Variants in NARF observed in about 807,000 individuals in gnomAD.
NARF encodes the protein nuclear prelamin A recognition factor, also known as iron-only hydrogenase-like protein 2.
NARF carries 41 observed loss-of-function variants against 48.0 expected under a neutral mutation model. That is an observed-to-expected ratio of 0.85 (90% CI 0.66 to 1.11). The LOEUF (loss-of-function observed/expected upper bound fraction) is 1.11. Among genes scored for constraint, NARF ranks in the 50% least tolerant of loss-of-function variants. The probability of loss-of-function intolerance (pLI) is 0.00; values close to 1 mark genes in which losing one functional copy is unlikely to be tolerated. For synonymous variants in NARF, 215 were observed against 225.5 expected (o/e 0.95, Z 0.42); for missense variants, 613 against 590.2 (o/e 1.04, Z -0.40).
At chr17:82,463,272 T>G (rs1359158229) in intron 2 of NARF, 1 of 152,166 alleles carries the variant, frequency 6.6e-6, no homozygotes, top group Non-Finnish European at 1.5e-5. Context: ...CATCCACCAG[T>G]TATTTATTGA....
intron 7 of NARF, chr17:82,482,879 G>A (rs1233522462): frequency 6.6e-6 from 1 of 151,718 alleles, no homozygotes; most frequent in East Asian, 2.0e-4. Flanking sequence ...TACAACCTCC[G>A]CGCCTCCTAG....
rs181546817 is a variant in NARF at position 82,466,695 on chromosome 17, T to C, written c.253-2069T>C. Reference sequence around the variant, plus strand: ...CTCGAACTCCTGACCTCAAGTGATGTGCTCGCCTCGGCCTCCCAAAGTGCT... The same window carrying C: ...CTCGAACTCCTGACCTCAAGTGATGCGCTCGCCTCGGCCTCCCAAAGTGCT... On this transcript the variant is annotated intron_variant, in intron 3 of 10. Transcript: ENST00000309794. 5.8e-3 allele frequency among the ~76,000 whole-genome samples: 877 copies of C among 151,906 alleles called. 13 individuals are homozygous for C. Among genetic ancestry groups the C allele is most frequent in the African/African-American group, 0.021 (851 of 41,404 alleles).
chr17:82,476,024 T>C (rs903641448), intron 5 of NARF, among the ~76,000 whole-genome samples: 1 of 152,200 alleles, frequency 6.6e-6, no homozygotes, highest in Non-Finnish European at 1.5e-5. Flanking sequence ...TATTTATTTA[T>C]TGAGACAGAG....
At chr17:82,483,890 C>G in intron 8 of NARF, 111 bp downstream of exon 8, 1 of 946,424 alleles carries the variant, frequency 1.1e-6, no homozygotes, top group Non-Finnish European at 1.6e-6. Context: ...CCATGTGAAG[C>G]ACTGCGATGC....
chr17:82,485,445 A>T, intron 9 of NARF, 52 bp from the exon 10 acceptor site: 1 of 1,580,374 alleles, frequency 6.3e-7, no homozygotes, highest in South Asian at 1.1e-5. Context: ...AGTGTTCTTA[A>T]GTCACAGATA....
chr17:82,459,743 C>T (rs1188026981), intron 1 of NARF, among the ~76,000 whole-genome samples: 3 of 152,074 alleles, frequency 2.0e-5, no homozygotes, highest in African/African-American at 7.2e-5. Flanking sequence ...GTGGCGCACA[C>T]CTGTAATCCC....
intron 2 of NARF, among the ~76,000 whole-genome samples, chr17:82,461,872 T>G (rs1464638952): frequency 2.0e-5 from 3 of 152,208 alleles, no homozygotes; most frequent in Non-Finnish European, 4.4e-5. Flanking sequence ...GCCAGTGCTG[T>G]GGGGACTGTG....
intron 3 of NARF, 76 bp from the exon 4 acceptor site, chr17:82,468,688 A>T: frequency 6.9e-7 from 1 of 1,440,692 alleles, no homozygotes; most frequent in Non-Finnish European, 9.6e-7. Context: ...GTTGTTCTGA[A>T]TTTCTCATTA....
chr17:82,483,054 A>T (rs80330644), intron 7 of NARF: 1 of 152,310 alleles, frequency 6.6e-6, no homozygotes, highest in Non-Finnish European at 1.5e-5. Context: ...GCAGTGGCTG[A>T]CACGTGTAAT....
At chr17:82,482,327 G>T (rs192111077) in intron 7 of NARF, 21 of 322,124 alleles carry the variant, frequency 6.5e-5, no homozygotes, top group African/African-American at 5.6e-4. Context: ...TGTGGCAGGG[G>T]TGTTGAAGGA....
rs141971876 is a variant in NARF at position 82,465,523 on chromosome 17, G to A, written c.252+1093G>A. Among the ~76,000 whole-genome samples the A allele has an allele frequency of 4.0e-3, 613 of 152,224 alleles. 6 individuals carry two copies. Among genetic ancestry groups the A allele is most frequent in the Middle Eastern group, 0.017 (5 of 294 alleles). On this transcript the variant is annotated intron_variant, in intron 3 of 10. Coordinates refer to ENST00000309794, the MANE Select transcript of NARF (RefSeq NM_012336.4). Reference sequence around the variant, plus strand: ...GGGACAGCCAAGGAGCCTTCTCAGCGTTTGCCATTCACCCCCATGGCTTCT... The same window carrying A: ...GGGACAGCCAAGGAGCCTTCTCAGCATTTGCCATTCACCCCCATGGCTTCT...
rs538324760 is a variant in NARF at position 82,464,302 on chromosome 17, A to G, written c.124A>G (p.Lys42Glu). Residue 42 changes from lysine to glutamate, a missense_variant, in exon 3 of 11, where the codon AAG becomes GAG. Physicochemically the swap from Lys to Glu is moderately conservative, Grantham distance 56. Coordinates refer to ENST00000309794, the MANE Select transcript of NARF (RefSeq NM_012336.4). ...TCTTTCATAGAAGGGAGAATTCCAC[A>G]AGTTGGCTGATGCCAAGATATTTTT... is the stretch of plus-strand genomic sequence containing the variant. ...QENGEKGEFH[K>E]LADAKIFLSD... The G allele has an allele frequency of 2.5e-6, 4 of 1,613,494 alleles. No homozygotes were observed. The East Asian group carries it at 8.9e-5, about 36-fold the overall frequency.
chr17:82,477,851 G>A (rs2043870011), intron 5 of NARF: 1 of 152,264 alleles, frequency 6.6e-6, no homozygotes, highest in Non-Finnish European at 1.5e-5. Flanking sequence ...CTGTGTCTCT[G>A]TGGGTGTTTC....
rs904112314 is a variant in NARF at position 82,480,824 on chromosome 17, C to T, written c.640-258C>T. 21 of 516,500 alleles carry T rather than the reference C, an allele frequency of 4.1e-5. No individual in the cohort carries two copies. In the South Asian group the frequency reaches 4.1e-4, roughly 10 times the overall value. The allele number at this position is 516,500 out of a possible 1,614,324, so 32.0% of individuals were successfully genotyped here. A position where few individuals can be genotyped will look rare whatever the true frequency, so the allele number is the denominator to read the frequency against. On this transcript the variant is annotated intron_variant, in intron 6 of 10. Transcript: ENST00000309794. ...GCATGCGCCTGTAGTCCCAGCTACT[C>T]GGGAGGCTGAGGCAGGAGAATCGCT...
chr17:82,468,101 G>A (rs548062981), intron 3 of NARF, among the ~76,000 whole-genome samples: 1 of 152,092 alleles, frequency 6.6e-6, no homozygotes, highest in East Asian at 1.9e-4. Context: ...CACAAGGTCA[G>A]GAGTTTGAGA....
intron 10 of NARF, 122 bp from the exon 11 acceptor site, chr17:82,487,791 TCTC>T: frequency 7.2e-5 from 24 of 331,426 alleles, no homozygotes; most frequent in Non-Finnish European, 1.3e-4. Flanking sequence ...TCCCGCCCAA[TCTC>T]TACAAAAAAT....
intron 4 of NARF, among the ~76,000 whole-genome samples, chr17:82,471,890 C>A (rs1259098480): frequency 1.3e-5 from 2 of 151,400 alleles, no homozygotes; most frequent in African/African-American, 4.9e-5. Context: ...ATTTAATTTG[C>A]CTGTGAATTG....
chr17:82,472,062 G>A (rs1371869516), intron 4 of NARF, among the ~76,000 whole-genome samples: 1 of 152,172 alleles, frequency 6.6e-6, no homozygotes, highest in Non-Finnish European at 1.5e-5. Context: ...AAAGCACACG[G>A]TCTTGAACTT....
Position 82,488,354 on chromosome 17 carries a change from A to T in NARF, c.*197A>T. 1 of 767,812 alleles carries T rather than the reference A, an allele frequency of 1.3e-6. No individual in the cohort carries two copies. The highest frequency in any genetic ancestry group is 2.0e-6 in the Non-Finnish European group (1 of 509,848). The allele number at this position is 767,812 out of a possible 1,614,324, so 47.6% of individuals were successfully genotyped here. A position where few individuals can be genotyped will look rare whatever the true frequency, so the allele number is the denominator to read the frequency against. On this transcript the variant is annotated 3_prime_UTR_variant, in exon 11 of 11. Transcript: ENST00000309794. Reference sequence around the variant, plus strand: ...TTTCATGTGGTGCTATCTTCATAATAGGTGTGGGATTGGAACTTTTTTTTT... The same window carrying T: ...TTTCATGTGGTGCTATCTTCATAATTGGTGTGGGATTGGAACTTTTTTTTT...
Sources: gnomAD v4.1 joint callset for allele counts (sites outside exome capture counted in the v4.1 genomes callset) on GRCh38, gnomAD v4.1.1 for gene constraint, MANE v1.5 for transcripts, NCBI Gene and HGNC (gene_info 2026-07-23, HGNC 2026-07-21) for gene names.